ZFAT: variants seen among roughly 807,000 people sequenced by gnomAD.
ZFAT encodes zinc finger and AT-hook domain containing.
Under a neutral mutation model 117.7 loss-of-function variants are expected in ZFAT, and 64 were observed. That is an observed-to-expected ratio of 0.54 (90% confidence interval 0.44 to 0.67). ZFAT has a LOEUF of 0.67. Among genes scored for constraint, ZFAT ranks in the 30% least tolerant of loss-of-function variants. The pLI, the probability that ZFAT is intolerant of heterozygous loss-of-function variation, is 0.00. For synonymous variants in ZFAT, 679 were observed against 615.0 expected (o/e 1.10, Z -1.54); for missense variants, 1,433 against 1,584.5 (o/e 0.90, Z 1.62).
In ZFAT at chr8:134,677,374, T is replaced by G. The variant is rs148231147; in HGVS notation, c.20-19637A>C. ...ATGGACTAATTCCTGGACACATACA[T>G]CTCCCAAGACTAAATCAGGAAGAAG... is the stretch of plus-strand genomic sequence containing the variant. On this transcript the variant is annotated intron_variant, in intron 1 of 15. Transcript: ENST00000377838. Among the ~76,000 whole-genome samples the G allele has an allele frequency of 5.6e-4, 85 of 152,084 alleles. No homozygotes were observed. The East Asian group carries it at 0.011, about 19-fold the overall frequency.
the ZFAT span, among the ~76,000 whole-genome samples, chr8:134,826,851 G>A: frequency 6.6e-6 from 1 of 152,310 alleles, no homozygotes; most frequent in African/African-American, 2.4e-5. Context: ...AAACAGCTGG[G>A]AGAAAATAAA....
At chr8:134,740,658 C>T in the ZFAT span, among the ~76,000 whole-genome samples, 2 of 152,154 alleles carry the variant, frequency 1.3e-5, no homozygotes, top group Non-Finnish European at 2.9e-5. Flanking sequence ...ACAAGGGCCG[C>T]TCACATGGAA....
intron 15 of ZFAT, among the ~76,000 whole-genome samples, chr8:134,496,950 C>G (rs942228930): frequency 2.6e-5 from 4 of 152,370 alleles, no homozygotes; most frequent in African/African-American, 9.6e-5. Context: ...CCTGATGTGT[C>G]CTAACGGGCA....
At chr8:134,644,523 C>T (rs546943241) in intron 2 of ZFAT, among the ~76,000 whole-genome samples, 4 of 152,064 alleles carry the variant, frequency 2.6e-5, no homozygotes, top group African/African-American at 9.6e-5. Context: ...CACACATACA[C>T]AAGCACCTAT....
At chr8:134,696,468 C>G in intron 1 of ZFAT, 1 of 985,666 alleles carries the variant, frequency 1.0e-6, no homozygotes, top group Non-Finnish European at 1.2e-6. Flanking sequence ...AGGAGGGATG[C>G]TGGGCGCCTC....
At chr8:134,737,547 G>A in the ZFAT span, among the ~76,000 whole-genome samples, 1 of 92,824 alleles carries the variant, frequency 1.1e-5, no homozygotes, top group Non-Finnish European at 2.5e-5. Flanking sequence ...TCAAAGCAAA[G>A]AGTAATTAGG....
chr8:134,701,081 C>T (rs1471506562), intron 1 of ZFAT, among the ~76,000 whole-genome samples: 2 of 152,140 alleles, frequency 1.3e-5, no homozygotes, highest in South Asian at 2.1e-4. Context: ...GCATTAGATA[C>T]ATTCACATTG....
At chr8:134,743,953 G>A in the ZFAT span, among the ~76,000 whole-genome samples, 1 of 152,226 alleles carries the variant, frequency 6.6e-6, no homozygotes, top group East Asian at 1.9e-4. Flanking sequence ...ACGAGAGGGT[G>A]ACAAGGACAG....
chr8:134,770,329 G>A, the ZFAT span, among the ~76,000 whole-genome samples: 1 of 152,214 alleles, frequency 6.6e-6, no homozygotes, highest in East Asian at 1.9e-4. Flanking sequence ...AACGTGGATT[G>A]TGAAGATTTT....
At chr8:134,777,313 G>A in the ZFAT span, among the ~76,000 whole-genome samples, 1 of 152,192 alleles carries the variant, frequency 6.6e-6, no homozygotes, top group Non-Finnish European at 1.5e-5. Flanking sequence ...GAGAATTAGA[G>A]GGGAGGAAAT....
intron 11 of ZFAT, among the ~76,000 whole-genome samples, chr8:134,537,936 C>A (rs16905168): frequency 6.6e-6 from 1 of 151,824 alleles, no homozygotes; most frequent in African/African-American, 2.4e-5. Context: ...GCAAGGAAGG[C>A]CACCAGCAAG....
chr8:134,768,605 G>A, the ZFAT span, among the ~76,000 whole-genome samples: 2 of 152,266 alleles, frequency 1.3e-5, no homozygotes, highest in South Asian at 2.1e-4. Flanking sequence ...CTTGTGCAGG[G>A]AAACTCCCTT....
chr8:134,812,134 G>A, the ZFAT span, among the ~76,000 whole-genome samples: 1 of 152,014 alleles, frequency 6.6e-6, no homozygotes. Context: ...ACAAGAGCAA[G>A]ACTCTGTATC....
chr8:134,669,088 A>G (rs1832414748), intron 1 of ZFAT, among the ~76,000 whole-genome samples: 1 of 152,236 alleles, frequency 6.6e-6, no homozygotes, highest in Non-Finnish European at 1.5e-5. Context: ...GCCTCCAAGA[A>G]ATATGGGACT....
At chr8:134,651,010 C>A (rs1314196170) in intron 2 of ZFAT, among the ~76,000 whole-genome samples, 1 of 152,152 alleles carries the variant, frequency 6.6e-6, no homozygotes, top group Non-Finnish European at 1.5e-5. Context: ...TGGGTACAAA[C>A]CAAAATGTGA....
chr8:134,735,272 C>T, the ZFAT span, among the ~76,000 whole-genome samples: 1 of 152,140 alleles, frequency 6.6e-6, no homozygotes, highest in African/African-American at 2.4e-5. Context: ...TTCCTCTAAG[C>T]CTGAAAGGGT....
intron 10 of ZFAT, among the ~76,000 whole-genome samples, chr8:134,577,976 A>G (rs1460214005): frequency 6.6e-6 from 1 of 152,080 alleles, no homozygotes; most frequent in Admixed American, 6.6e-5. Flanking sequence ...CCTAGGGAAG[A>G]CTCATTCAGA....
intron 14 of ZFAT, 142 bp downstream of exon 14, chr8:134,512,325 TGGCAATGG>T (rs1819912343): frequency 1.7e-6 from 2 of 1,174,374 alleles, no homozygotes; most frequent in South Asian, 3.0e-5. Flanking sequence ...CTCTGGGGGC[TGGCAATGG>T]GGCTGCTTCT....
At chr8:134,824,874 A>G in the ZFAT span, among the ~76,000 whole-genome samples, 1 of 152,352 alleles carries the variant, frequency 6.6e-6, no homozygotes, top group Non-Finnish European at 1.5e-5. Flanking sequence ...GACAAATACT[A>G]GTGTATTTAT....
Sources: gnomAD v4.1 joint callset for allele counts (sites outside exome capture counted in the v4.1 genomes callset) on GRCh38, gnomAD v4.1.1 for gene constraint, MANE v1.5 for transcripts, NCBI Gene and HGNC (gene_info 2026-07-23, HGNC 2026-07-21) for gene names.